The following CNBD1 variants were observed in gnomAD, a reference collection of about 807,000 sequenced individuals.
CNBD1 encodes cyclic nucleotide binding domain containing 1.
Under a neutral mutation model 54.4 loss-of-function variants are expected in CNBD1, and 71 were observed. The observed-to-expected ratio is 1.30, with a 90% CI of 1.08 to 1.59. CNBD1 has a LOEUF of 1.59. CNBD1 is among the 40% of genes most tolerant of loss of function. The pLI, the probability that CNBD1 is intolerant of heterozygous loss-of-function variation, is 0.00. For synonymous variants in CNBD1, 182 were observed against 170.7 expected (o/e 1.07, Z -0.51); for missense variants, 659 against 518.0 (o/e 1.27, Z -2.64).
intron 4 of CNBD1, among the ~76,000 whole-genome samples, chr8:87,031,743 T>A (rs1335814958): frequency 6.6e-6 from 1 of 152,092 alleles, no homozygotes; most frequent in Non-Finnish European, 1.5e-5. Flanking sequence ...TACGTTCTTA[T>A]CATTTATTTA....
intron 4 of CNBD1, among the ~76,000 whole-genome samples, chr8:87,079,337 G>C (rs780675230): frequency 1.3e-5 from 2 of 152,186 alleles, no homozygotes. Flanking sequence ...CGTAGGGCTA[G>C]AATGGCTAGA....
intron 4 of CNBD1, among the ~76,000 whole-genome samples, chr8:87,110,015 A>G (rs1242793889): frequency 6.6e-6 from 1 of 152,074 alleles, no homozygotes; most frequent in Non-Finnish European, 1.5e-5. Flanking sequence ...AAACAGCTAA[A>G]CCATTTGCCA....
chr8:87,407,375 T>C (rs1807668802), intron 2 of CNBD1, among the ~76,000 whole-genome samples: 1 of 151,830 alleles, frequency 6.6e-6, no homozygotes, highest in South Asian at 2.1e-4. Context: ...TACCCTTTTG[T>C]ACGAACATAC....
At position 87,103,829 on chromosome 8, in the gene CNBD1, T is replaced by A. The variant is rs192810149; in HGVS notation, c.432-102164T>A. Among the ~76,000 whole-genome samples the A allele has an allele frequency of 2.6e-3, 403 of 152,116 alleles. 1 individual carries two copies. The highest frequency in any genetic ancestry group is 9.4e-3 in the African/African-American group (391 of 41,492). On this transcript the variant is annotated intron_variant, in intron 4 of 10. Coordinates refer to ENST00000518476, the MANE Select transcript of CNBD1 (RefSeq NM_173538.3). ...AATGTAGACAAAATGGATCTGAAAG[T>A]AAAAGGAACATTACAAGAGTATGAT...
intron 4 of CNBD1, among the ~76,000 whole-genome samples, chr8:87,059,139 C>T (rs551861931): frequency 3.9e-5 from 6 of 152,296 alleles, no homozygotes; most frequent in Admixed American, 3.9e-4. Flanking sequence ...TTCTCATCTC[C>T]ATCTGAGACC....
intron 4 of CNBD1, among the ~76,000 whole-genome samples, chr8:87,072,542 A>T (rs1810780189): frequency 6.6e-6 from 1 of 152,034 alleles, no homozygotes; most frequent in African/African-American, 2.4e-5. Flanking sequence ...ACTGAAAAGT[A>T]TCTTATTTCT....
chr8:87,181,514 A>G (rs898450529), intron 4 of CNBD1, among the ~76,000 whole-genome samples: 1 of 152,198 alleles, frequency 6.6e-6, no homozygotes, highest in Non-Finnish European at 1.5e-5. Flanking sequence ...GTTGTTCAAA[A>G]TATTCACTGG....
intron 8 of CNBD1, among the ~76,000 whole-genome samples, chr8:87,304,500 G>C (rs964943602): frequency 6.6e-6 from 1 of 151,890 alleles, no homozygotes. Flanking sequence ...GTGGGGTGAG[G>C]GGGGAGAGAT....
chr8:87,380,334 A>G (rs1284846675), intron 10 of CNBD1, among the ~76,000 whole-genome samples: 1 of 151,810 alleles, frequency 6.6e-6, no homozygotes, highest in Non-Finnish European at 1.5e-5. Context: ...TCATATATAC[A>G]TGGATTTATT....
chr8:87,396,891 C>CTTT (rs34163158), intron 2 of CNBD1, among the ~76,000 whole-genome samples: 2 of 139,458 alleles, frequency 1.4e-5, no homozygotes, highest in South Asian at 2.3e-4. Context: ...AGTTTGTTTT[C>CTTT]TTTTTTTTTT....
intron 8 of CNBD1, among the ~76,000 whole-genome samples, chr8:87,303,307 G>A (rs1462544516): frequency 6.6e-6 from 1 of 151,932 alleles, no homozygotes; most frequent in African/African-American, 2.4e-5. Context: ...CAATGGAACA[G>A]AACAGAGCCC....
chr8:87,258,066 G>A (rs1195457620), intron 6 of CNBD1, among the ~76,000 whole-genome samples: 3 of 152,162 alleles, frequency 2.0e-5, no homozygotes, highest in Admixed American at 2.0e-4. Flanking sequence ...TGCTTCCCAT[G>A]TAACTTAACT....
intron 4 of CNBD1, among the ~76,000 whole-genome samples, chr8:87,113,111 G>A (rs974094242): frequency 6.6e-6 from 1 of 152,202 alleles, no homozygotes; most frequent in Non-Finnish European, 1.5e-5. Flanking sequence ...GCCAAGGGCA[G>A]CCCACAGGCA....
At position 87,050,728 on chromosome 8, in the gene CNBD1, C is replaced by T. The variant is rs112898267; in HGVS notation, c.431+110974C>T. Among the ~76,000 whole-genome samples, 429 of 152,270 alleles carry T rather than the reference C, an allele frequency of 2.8e-3. 3 individuals carry two copies. Among genetic ancestry groups the T allele is most frequent in the African/African-American group, 9.9e-3 (411 of 41,540 alleles). ...GAGATTAATAATCACCCAATTAATT[C>T]GAACCACAGCCTCATTAATGAGATG... On this transcript the variant is annotated intron_variant, in intron 4 of 10. Coordinates refer to ENST00000518476, the MANE Select transcript of CNBD1 (RefSeq NM_173538.3).
intron 2 of CNBD1, among the ~76,000 whole-genome samples, chr8:87,405,663 A>G (rs1807640030): frequency 6.6e-6 from 1 of 152,104 alleles, no homozygotes; most frequent in African/African-American, 2.4e-5. Flanking sequence ...AAAGTATGTC[A>G]TAGGCATTAT....
chr8:87,335,349 G>T (rs1809922629), intron 8 of CNBD1, among the ~76,000 whole-genome samples: 2 of 152,236 alleles, frequency 1.3e-5, no homozygotes, highest in South Asian at 2.1e-4. Context: ...AAGTCTCTTT[G>T]TAGGTCTCTA....
chr8:87,347,367 G>T (rs1283605648), intron 8 of CNBD1, among the ~76,000 whole-genome samples: 3 of 152,118 alleles, frequency 2.0e-5, no homozygotes. Context: ...ACAAATATTT[G>T]TTGAGTGCCT....
At chr8:87,331,118 A>G (rs1403862505) in intron 8 of CNBD1, among the ~76,000 whole-genome samples, 1 of 152,184 alleles carries the variant, frequency 6.6e-6, no homozygotes, top group Admixed American at 6.5e-5. Flanking sequence ...TTACACAGGT[A>G]TACATATGCC....
At chr8:87,044,750 A>G (rs553707157) in intron 4 of CNBD1, 2 of 152,298 alleles carry the variant, frequency 1.3e-5, no homozygotes, top group African/African-American at 4.8e-5. Context: ...GCAAGCTACT[A>G]TGAAGCCTGC....
Sources: gnomAD v4.1 joint callset for allele counts (sites outside exome capture counted in the v4.1 genomes callset) on GRCh38, gnomAD v4.1.1 for gene constraint, MANE v1.5 for transcripts, NCBI Gene and HGNC (gene_info 2026-07-23, HGNC 2026-07-21) for gene names.